TG: variants seen among roughly 807,000 people sequenced by gnomAD.
TG encodes the protein thyroglobulin.
In TG, 270 loss-of-function variants were observed where a neutral mutation model predicts 324.7. That is an observed-to-expected ratio of 0.83 (90% CI 0.75 to 0.92). TG has a LOEUF of 0.92. TG is among the 40% of genes least tolerant of loss of function. The pLI, the probability that TG is intolerant of heterozygous loss-of-function variation, is 0.00. For synonymous variants in TG, 1,401 were observed against 1,327.0 expected, an observed-to-expected ratio of 1.06 and a Z score of -1.21; for missense variants, 3,591 against 3,456.4, an observed-to-expected ratio of 1.04 and a Z score of -0.98.
At chr8:132,901,800 C>T (rs1817968456) in intron 16 of TG, among the ~76,000 whole-genome samples, 1 of 152,148 alleles carries the variant, frequency 6.6e-6, no homozygotes. Flanking sequence ...CCTTAAGAAG[C>T]TTGGGGGCTG....
intron 44 of TG, 108 bp from the exon 45 acceptor site, chr8:133,116,501 G>T (rs540091837): frequency 1.1e-6 from 1 of 878,686 alleles, no homozygotes; most frequent in South Asian, 1.3e-5. Flanking sequence ...GCCTGGCAGG[G>T]GTGGGTTGGG....
chr8:133,060,112 G>A, intron 41 of TG: 2 of 1,605,484 alleles, frequency 1.2e-6, no homozygotes, highest in South Asian at 2.2e-5. Context: ...TCCGGGTTGG[G>A]CAGGGGCCTC....
intron 22 of TG, among the ~76,000 whole-genome samples, chr8:132,928,175 C>T (rs993293708): frequency 2.0e-5 from 3 of 152,110 alleles, no homozygotes; most frequent in Non-Finnish European, 4.4e-5. Flanking sequence ...TTTGGATGGC[C>T]TTGAATTTAT....
intron 25 of TG, 34 bp downstream of exon 25, chr8:132,935,898 G>A (rs185160955): frequency 9.4e-5 from 146 of 1,558,846 alleles, no homozygotes; most frequent in African/African-American, 1.8e-4. Context: ...TTAGGCCCGC[G>A]GTGGCTTCAC....
At position 132,963,091 on chromosome 8, in the gene TG, C is replaced by A. The variant is rs374193013; in HGVS notation, c.5548+17C>A. 52 of 1,612,878 alleles carry A rather than the reference C, an allele frequency of 3.2e-5. No individual in the cohort carries two copies. The highest frequency in any genetic ancestry group is 5.3e-5 in the African/African-American group (4 of 74,902). Reference sequence around the variant, plus strand: ...CAGAAGCAGGTACTGACCCCCAAACCTTCTTACACACTTGGGTGTCTGAAT... The same window carrying A: ...CAGAAGCAGGTACTGACCCCCAAACATTCTTACACACTTGGGTGTCTGAAT... On this transcript the variant is annotated intron_variant, in intron 29 of 47. Coordinates refer to ENST00000220616, the MANE Select transcript of TG (RefSeq NM_003235.5).
intron 41 of TG, chr8:133,049,416 T>G: frequency 3.5e-6 from 1 of 287,394 alleles, no homozygotes; most frequent in South Asian, 3.3e-5. Context: ...CATCTTATTC[T>G]CCTAACAACC....
At chr8:132,940,280 G>C (rs1423755329) in intron 25 of TG, among the ~76,000 whole-genome samples, 1 of 152,208 alleles carries the variant, frequency 6.6e-6, no homozygotes, top group Non-Finnish European at 1.5e-5. Flanking sequence ...GTAAACCCGA[G>C]CCAGACAGTT....
At chr8:132,978,216 C>T (rs991564019) in intron 34 of TG, among the ~76,000 whole-genome samples, 3 of 152,186 alleles carry the variant, frequency 2.0e-5, no homozygotes, top group Non-Finnish European at 2.9e-5. Flanking sequence ...CACATGATGA[C>T]AGTGAGAGAA....
chr8:133,121,813 A>G (rs1228832779), intron 45 of TG, among the ~76,000 whole-genome samples: 1 of 152,202 alleles, frequency 6.6e-6, no homozygotes, highest in Non-Finnish European at 1.5e-5. Flanking sequence ...CATTCTTGAC[A>G]ACCCCCTGTG....
At chr8:133,066,133 C>T (rs1843001597) in intron 41 of TG, among the ~76,000 whole-genome samples, 1 of 152,166 alleles carries the variant, frequency 6.6e-6, no homozygotes, top group Middle Eastern at 3.4e-3. Context: ...ACCATCCTGG[C>T]TGACATGGTG....
intron 40 of TG, 110 bp from the exon 41 acceptor site, chr8:133,029,710 GC>G: frequency 7.5e-7 from 1 of 1,327,038 alleles, no homozygotes; most frequent in Non-Finnish European, 1.1e-6. Context: ...GAGGACAAGA[GC>G]CCAGAGCCCC....
intron 35 of TG, among the ~76,000 whole-genome samples, chr8:132,993,181 T>C (rs543046037): frequency 2.6e-5 from 4 of 152,362 alleles, no homozygotes; most frequent in African/African-American, 7.2e-5. Flanking sequence ...ATAATAGATA[T>C]AAGTCTCCAC....
At chr8:133,005,771 C>T (rs1345234710) in intron 35 of TG, among the ~76,000 whole-genome samples, 1 of 152,112 alleles carries the variant, frequency 6.6e-6, no homozygotes, top group Non-Finnish European at 1.5e-5. Flanking sequence ...ATAAGGGGGC[C>T]CTGATGTTAT....
intron 34 of TG, among the ~76,000 whole-genome samples, chr8:132,977,665 A>G (rs1830335285): frequency 6.6e-6 from 1 of 152,080 alleles, no homozygotes; most frequent in African/African-American, 2.4e-5. Context: ...CATTTTTAAA[A>G]CCATCAGATC....
chr8:132,957,118 A>T (rs928342975), intron 27 of TG, among the ~76,000 whole-genome samples: 1 of 152,172 alleles, frequency 6.6e-6, no homozygotes, highest in African/African-American at 2.4e-5. Context: ...TGGCAATCAT[A>T]TTAACAATGA....
chr8:132,890,278 C>T (rs1038918911), intron 10 of TG, among the ~76,000 whole-genome samples: 2 of 152,102 alleles, frequency 1.3e-5, no homozygotes, highest in African/African-American at 4.8e-5. Context: ...ACAGCTGAAA[C>T]AGCTAAAAAT....
In TG at chr8:132,893,911, C is replaced by G. The variant is rs114091109; in HGVS notation, c.2983C>G (p.Arg995Gly). ...TCTGCGTGGGAGTGATTACGCCATT[C>G]GCCTGGCGGCTCAGTCTAGTGAGTG... The part of the protein sequence containing the change: ...QFLRGSDYAI[R>G]LAAQSTLSFY... The change falls in exon 11 of 48, where the codon CGC becomes GGC. Residue 995 changes from arginine to glycine, a missense_variant. By Grantham distance (125) the Arg-to-Gly change is moderately radical. Coordinates refer to ENST00000220616, the MANE Select transcript of TG (RefSeq NM_003235.5). 4.3e-6 allele frequency: 7 copies of G among 1,614,038 alleles called. No individual in the cohort carries two copies. The highest frequency in any genetic ancestry group is 5.1e-6 in the Non-Finnish European group (6 of 1,179,942).
At position 132,952,386 on chromosome 8, in the gene TG, G is replaced by A. The variant is rs1826234488; in HGVS notation, c.5401+3443G>A. 2.0e-5 allele frequency among the ~76,000 whole-genome samples: 3 copies of A among 152,218 alleles called. No individual in the cohort carries two copies. In the South Asian group the frequency reaches 6.2e-4, roughly 32 times the overall value. On this transcript the variant is annotated intron_variant, in intron 27 of 47. Transcript: ENST00000220616. ...GACATTTGACCACCTTCAGCCTCAGGGCCTCCATCTGTGCAATGGGCGCAT... is the reference window on the plus strand; with the variant it reads ...GACATTTGACCACCTTCAGCCTCAGAGCCTCCATCTGTGCAATGGGCGCAT...
intron 5 of TG, among the ~76,000 whole-genome samples, chr8:132,873,735 A>T (rs1231662385): frequency 2.0e-5 from 3 of 152,234 alleles, no homozygotes; most frequent in Admixed American, 2.0e-4. Flanking sequence ...GAGCAAAAAG[A>T]TTCTTTATTT....
Sources: gnomAD v4.1 joint callset for allele counts (sites outside exome capture counted in the v4.1 genomes callset) on GRCh38, gnomAD v4.1.1 for gene constraint, MANE v1.5 for transcripts, NCBI Gene and HGNC (gene_info 2026-07-23, HGNC 2026-07-21) for gene names.